Variants in USH2A observed in about 807,000 individuals in gnomAD.
The protein encoded by USH2A is Usher syndrome 2A (autosomal recessive, mild).
In USH2A, 443 loss-of-function variants were observed where a neutral mutation model predicts 538.9. The ratio of observed to expected loss-of-function variants is 0.82; its 90% confidence interval spans 0.76 to 0.89. The LOEUF (loss-of-function observed/expected upper bound fraction) is 0.89. Among genes scored for constraint, USH2A ranks in the 40% least tolerant of loss-of-function variants. The probability of loss-of-function intolerance (pLI) is 0.00; values close to 1 mark genes in which losing one functional copy is unlikely to be tolerated. For synonymous variants in USH2A, 2,413 were observed against 2,273.5 expected (o/e 1.06, Z -1.75); for missense variants, 6,633 against 6,324.8 (o/e 1.05, Z -1.65).
chr1:215,773,548 C>T (rs1389643791), intron 55 of USH2A, among the ~76,000 whole-genome samples: 14 of 150,790 alleles, frequency 9.3e-5, no homozygotes, highest in African/African-American at 3.5e-4. Flanking sequence ...TTCTCTCTCT[C>T]TCTCACAAGG....
intron 20 of USH2A, among the ~76,000 whole-genome samples, chr1:216,178,566 A>G (rs901416827): frequency 6.6e-6 from 1 of 152,168 alleles, no homozygotes; most frequent in African/African-American, 2.4e-5. Flanking sequence ...GAAGCAATGG[A>G]GAACCAATTA....
intron 41 of USH2A, among the ~76,000 whole-genome samples, chr1:215,885,963 T>C (rs1002561891): frequency 1.3e-5 from 2 of 152,200 alleles, no homozygotes; most frequent in Non-Finnish European, 2.9e-5. Flanking sequence ...ACATAGTTAT[T>C]TGTTTGCATT....
chr1:216,323,276 T>TA (rs2037652911), intron 8 of USH2A, among the ~76,000 whole-genome samples, 198 bp downstream of exon 8: 3 of 137,106 alleles, frequency 2.2e-5, no homozygotes, highest in Admixed American at 1.5e-4. Flanking sequence ...AAAATACGTT[T>TA]TATATATATA....
intron 11 of USH2A, among the ~76,000 whole-genome samples, chr1:216,283,830 T>A (rs138985438): frequency 8.5e-4 from 130 of 152,326 alleles, no homozygotes; most frequent in African/African-American, 3.0e-3. Flanking sequence ...TCCCCAGTCT[T>A]ACATTCCTTT....
chr1:216,064,060 A>G (rs1281582883), intron 30 of USH2A, among the ~76,000 whole-genome samples: 1 of 152,242 alleles, frequency 6.6e-6, no homozygotes, highest in African/African-American at 2.4e-5. Flanking sequence ...TGTAAGGAGC[A>G]CCGCCTACCA....
chr1:215,640,603 T>C lies in USH2A; in HGVS notation c.14923A>G (p.Ser4975Gly), dbSNP rs147514366. 1 of 1,613,856 alleles carries C rather than the reference T, an allele frequency of 6.2e-7. No homozygotes were observed. Among genetic ancestry groups the C allele is most frequent in the Non-Finnish European group, 8.5e-7 (1 of 1,179,968 alleles). ...ATGTAGAGGGTGGTGTCCAAGCCGC[T>C]GTACACGCGTCGCCCTCCGTCGGTT... ...VLTDGGRRVY[S>G]GLDTTLYIPR... Residue 4975 changes from serine to glycine, a missense_variant, in exon 68 of 72, where the codon AGC becomes GGC. Coordinates refer to ENST00000307340, the MANE Select transcript of USH2A (RefSeq NM_206933.4).
chr1:216,286,439 ATTC>A (rs1312067972), intron 11 of USH2A, among the ~76,000 whole-genome samples: 1 of 152,016 alleles, frequency 6.6e-6, no homozygotes, highest in Non-Finnish European at 1.5e-5. Flanking sequence ...CATTAAATCT[ATTC>A]TTCTGGCCAG....
chr1:215,721,260 A>G (rs1571620214), intron 61 of USH2A, among the ~76,000 whole-genome samples: 1 of 152,240 alleles, frequency 6.6e-6, no homozygotes, highest in East Asian at 1.9e-4. Flanking sequence ...TTTTTACTAG[A>G]GACAGGATTT....
chr1:215,640,646 T>C lies in USH2A; in HGVS notation c.14880A>G (p.Gln4960=), dbSNP rs780087144. The C allele has an allele frequency of 2.5e-6, 4 of 1,613,876 alleles. No homozygotes were observed. The highest frequency in any genetic ancestry group is 1.7e-5 in the Admixed American group (1 of 59,984). The change falls in exon 68 of 72, where the codon CAA becomes CAG. Residue 4960 remains glutamine, a synonymous_variant. Coordinates refer to ENST00000307340, the MANE Select transcript of USH2A (RefSeq NM_206933.4). ...CGTCGGTTAACACGTACTCCTTCAG[T>C]TGGCCGTTCAGGAGGAAGGTGTCAC... ...NWSDTFLLNG[Q]LKEYVLTDGG... is the part of the protein sequence containing the mutation.
intron 64 of USH2A, among the ~76,000 whole-genome samples, chr1:215,659,897 T>C (rs1377627237): frequency 6.6e-6 from 1 of 152,190 alleles, no homozygotes; most frequent in African/African-American, 2.4e-5. Context: ...GCTTTTTGAC[T>C]AGGTAACTTG....
intron 18 of USH2A, among the ~76,000 whole-genome samples, chr1:216,197,312 A>C (rs916108754): frequency 4.6e-5 from 7 of 152,152 alleles, no homozygotes; most frequent in Non-Finnish European, 1.5e-5. Flanking sequence ...AGGGATTTTA[A>C]ATGTGCTAAC....
chr1:216,270,039 A>C lies in USH2A; in HGVS notation c.1972-18941T>G, dbSNP rs192401184. On this transcript the variant is annotated intron_variant, in intron 11 of 71. Coordinates refer to ENST00000307340, the MANE Select transcript of USH2A (RefSeq NM_206933.4). ...GTGCTTAAAGGAAATATGAAGCATG[A>C]TTTCAAGATGAATAAATTAGATGAA... Among the ~76,000 whole-genome samples, 365 of 152,272 alleles carry C rather than the reference A, an allele frequency of 2.4e-3. 3 individuals carry two copies. Among genetic ancestry groups the C allele is most frequent in the South Asian group, 0.019 (92 of 4,830 alleles).
intron 32 of USH2A, among the ~76,000 whole-genome samples, chr1:216,010,207 A>C (rs1211675398): frequency 2.0e-5 from 3 of 152,184 alleles, no homozygotes; most frequent in African/African-American, 7.2e-5. Flanking sequence ...TCTCCAGCAC[A>C]CAAGAACTTC....
chr1:215,766,765 T>C lies in USH2A; in HGVS notation c.10963A>G (p.Ser3655Gly). The C allele has an allele frequency of 6.2e-7, 1 of 1,613,586 alleles. No homozygotes were observed. The highest frequency in any genetic ancestry group is 8.5e-7 in the Non-Finnish European group (1 of 1,179,590). The change falls in exon 56 of 72, where the codon AGC becomes GGC. Residue 3655 changes from serine to glycine, a missense_variant. Coordinates refer to ENST00000307340, the MANE Select transcript of USH2A (RefSeq NM_206933.4). ...GATGTACAAGCTGTAAGAGTGAAGC[T>C]GTAGTTGGTGTATGGCTGGAGACCT... ...VTGLQPYTNY[S>G]FTLTACTSAG...
intron 44 of USH2A, among the ~76,000 whole-genome samples, chr1:215,860,632 T>C (rs1407405004): frequency 2.0e-5 from 3 of 152,198 alleles, no homozygotes; most frequent in Non-Finnish European, 2.9e-5. Flanking sequence ...GCTGTTTATG[T>C]GCTCCAGTGG....
At chr1:216,070,414 T>G in intron 29 of USH2A, 122 bp from the exon 30 acceptor site, 1 of 928,342 alleles carries the variant, frequency 1.1e-6, no homozygotes, top group Non-Finnish European at 1.7e-6. Context: ...TACAATTTAT[T>G]AGAGTTGTAA....
chr1:216,284,844 G>C (rs935028855), intron 11 of USH2A, among the ~76,000 whole-genome samples: 7 of 152,188 alleles, frequency 4.6e-5, no homozygotes, highest in Admixed American at 2.0e-4. Context: ...GTCTCAGCTG[G>C]AGATAAGTAA....
intron 14 of USH2A, among the ~76,000 whole-genome samples, chr1:216,222,717 G>A (rs528555134): frequency 7.2e-5 from 11 of 152,260 alleles, no homozygotes; most frequent in African/African-American, 2.2e-4. Context: ...GGTGGCTCAC[G>A]CCTGTAATCC....
At chr1:215,994,770 T>A (rs1341954229) in intron 34 of USH2A, among the ~76,000 whole-genome samples, 1 of 152,120 alleles carries the variant, frequency 6.6e-6, no homozygotes, top group African/African-American at 2.4e-5. Flanking sequence ...GACAGGTCAC[T>A]GTGAGCTCAA....
Sources: allele counts gnomAD v4.1 joint callset (sites outside exome capture counted in the v4.1 genomes callset), GRCh38; gene constraint gnomAD v4.1.1; transcripts MANE v1.5; gene names NCBI Gene and HGNC (gene_info 2026-07-23, HGNC 2026-07-21).